MYH7: variants seen among roughly 807,000 people sequenced by gnomAD.
MYH7 encodes the protein myosin-7.
A neutral mutation model predicts 225.4 loss-of-function variants in MYH7; 129 were observed. The ratio of observed to expected loss-of-function variants is 0.57; its 90% CI spans 0.50 to 0.66. MYH7 has a LOEUF of 0.66. Among genes scored for constraint, MYH7 ranks in the 30% least tolerant of loss-of-function variants. MYH7 has a pLI of 0.00. For synonymous variants in MYH7, 971 were observed against 1,007.6 expected (o/e 0.96, Z 0.69); for missense variants, 1,649 against 2,517.0 (o/e 0.66, Z 7.38).
chr14:23,426,388 G>A (rs1462572184), intron 18 of MYH7, among the ~76,000 whole-genome samples: 2 of 152,194 alleles, frequency 1.3e-5, no homozygotes, highest in Admixed American at 6.5e-5. Context: ...ACAGAGCCAG[G>A]TCTTGAACCC....
rs730880858 is a variant in MYH7 at position 23,430,649 on chromosome 14, T to A, written c.910A>T (p.Thr304Ser). 5.6e-6 allele frequency: 9 copies of A among 1,613,982 alleles called. No individual in the cohort carries two copies. The Admixed American group carries it at 6.7e-5, about 12-fold the overall frequency. The stretch of plus-strand genomic sequence containing the variant: ...AATGCATAATCGTAGGGGTTGTTGG[T>A]GATCAGCAGCATGTCTAGGGGAAAA... ...KPELLDMLLI[T>S]NNPYDYAFIS... The change falls in exon 11 of 40, where the codon ACC becomes TCC. Residue 304 changes from threonine (T) to serine (S), a missense_variant. Physicochemically the swap from Thr to Ser is moderately conservative, Grantham distance 58. Around this residue, in one of 12 missense-constraint regions of MYH7, gnomAD observed 131 missense variants for 231.3 expected, o/e 0.57. Coordinates refer to ENST00000355349, the MANE Select transcript of MYH7 (RefSeq NM_000257.4).
chr14:23,420,042 C>T lies in MYH7; in HGVS notation c.3529G>A (p.Asp1177Asn), dbSNP rs1243958077. Residue 1177 changes from aspartate to asparagine, a missense_variant, in exon 27 of 40, where the codon GAC (aspartate) becomes AAC (asparagine). Around this residue, in one of 12 missense-constraint regions of MYH7, gnomAD observed 106 missense variants for 198.8 expected, o/e 0.53. Coordinates refer to ENST00000355349, the MANE Select transcript of MYH7 (RefSeq NM_000257.4). ...REAEFQKMRR[D>N]LEEATLQHEA... ...TGCTGCAGCGTGGCCTCCTCCAGGT[C>T]CCGCCGCATCTTCTGGAACTCGGCC... 6.3e-7 allele frequency: 1 copy of T among 1,579,826 alleles called. No homozygotes were observed. Among genetic ancestry groups the T allele is most frequent in the Admixed American group, 1.8e-5 (1 of 56,784 alleles).
intron 39 of MYH7, 50 bp from the exon 40 acceptor site, chr14:23,412,921 G>T (rs376207299): frequency 3.8e-6 from 6 of 1,597,794 alleles, no homozygotes; most frequent in African/African-American, 1.3e-5. Flanking sequence ...ATGGTATTGG[G>T]CAGGGACAGG....
Position 23,433,226 on chromosome 14 carries a change from G to C in MYH7, c.203C>G (p.Thr68Arg). ...CACCTGGTCCTCCTTCACGGTCACT[G>C]TCTGCAAGAGCCCCCACCCAAGCCC... is the stretch of plus-strand genomic sequence containing the variant. ...KVTAETEYGK[T>R]VTVKEDQVMQ... The change falls in exon 4 of 40, where the codon ACA becomes AGA. Residue 68 changes from threonine (T) to arginine (R), a missense_variant and splice_region_variant. Thr to Arg is a moderately conservative substitution (Grantham distance 71). Around this residue, in one of 12 missense-constraint regions of MYH7, gnomAD observed 91 missense variants for 96.5 expected, o/e 0.94. Transcript: ENST00000355349. This position sits in a 1 kb window ranked among gnomAD's most constrained non-coding sequence, Gnocchi z 4.1. The C allele has an allele frequency of 6.2e-7, 1 of 1,614,188 alleles. No homozygotes were observed. The highest frequency in any genetic ancestry group is 8.5e-7 in the Non-Finnish European group (1 of 1,180,044).
chr14:23,430,000 T>C (rs1892863001), intron 11 of MYH7, 87 bp from the exon 12 acceptor site: 1 of 1,518,916 alleles, frequency 6.6e-7, no homozygotes, highest in African/African-American at 1.4e-5. Context: ...AGAAAACTTG[T>C]CTCCTTAATC....
chr14:23,431,630 G>C lies in MYH7; in HGVS notation c.687C>G (p.Ala229=). The C allele has an allele frequency of 1.9e-6, 3 of 1,614,250 alleles. No individual in the cohort carries two copies. Among genetic ancestry groups the C allele is most frequent in the Non-Finnish European group, 2.5e-6 (3 of 1,180,044 alleles). ...TCCGGACGGTCTTGGCATTGCCAAA[G>C]GCCTCCAGAGCAGGGTTGGCCTGGA... The part of the protein sequence containing the change: ...QIIQANPALE[A]FGNAKTVRND... The change falls in exon 8 of 40, where the codon GCC becomes GCG. Residue 229 remains alanine (A), a synonymous_variant. Coordinates refer to ENST00000355349, the MANE Select transcript of MYH7 (RefSeq NM_000257.4).
intron 26 of MYH7, 148 bp from the exon 27 acceptor site, chr14:23,420,382 A>G (rs1301089997): frequency 2.0e-6 from 3 of 1,489,062 alleles, no homozygotes; most frequent in Non-Finnish European, 2.7e-6. Context: ...TGGGGAAGAT[A>G]GTTTGAAGAG....
rs942546644 is a variant in MYH7 at position 23,429,482 on chromosome 14, C to T, written c.1139-135G>A. 53 of 939,194 alleles carry T rather than the reference C, an allele frequency of 5.6e-5. No individual in the cohort carries two copies. In the Admixed American group the frequency reaches 9.7e-4, roughly 17 times the overall value. 58.2% of individuals were successfully genotyped at this position (939,194 alleles called of 1,614,324 possible). A position where few individuals can be genotyped will look rare whatever the true frequency, so the allele number is the denominator to read the frequency against. On this transcript the variant is annotated intron_variant, in intron 12 of 39. Coordinates refer to ENST00000355349, the MANE Select transcript of MYH7 (RefSeq NM_000257.4). ...CTTGAGGTCAGGAGTTTGAGACCAA[C>T]CTGGCCAACATGATGAAACCCCATC...
In MYH7 at chr14:23,425,751, T is replaced by A. The variant is rs1230771917; in HGVS notation, c.2230A>T (p.Lys744Ter). 2 of 1,613,990 alleles carry A rather than the reference T, an allele frequency of 1.2e-6. No homozygotes were observed. Among genetic ancestry groups the A allele is most frequent in the Non-Finnish European group, 1.7e-6 (2 of 1,179,860 alleles). ...QFIDSRKGAE[K>*]LLSSLDIDHN... ...TCAATGTCCAGGGAGCTGAGCAGCT[T>A]CTCTGCCCCCTTCCTGCTATCAATG... The change falls in exon 20 of 40, where the codon AAG becomes TAG. Residue 744 changes from lysine to a stop codon, truncating the protein, a stop_gained. Transcript: ENST00000355349. LOFTEE classifies it high-confidence loss of function. The surrounding 1 kb of genome is among the most constrained non-coding windows in gnomAD (Gnocchi z 4.6).
At chr14:23,431,898 G>A in intron 6 of MYH7, 29 bp from the exon 7 acceptor site, 1 of 1,603,346 alleles carries the variant, frequency 6.2e-7, no homozygotes, top group Non-Finnish European at 8.5e-7. Context: ...ATTGGGCAGT[G>A]AACAATACTA....
chr14:23,424,682 A>G (rs983724394), intron 22 of MYH7, 87 bp downstream of exon 22: 1 of 1,599,912 alleles, frequency 6.3e-7, no homozygotes, highest in Non-Finnish European at 8.5e-7. Flanking sequence ...GGAACAAGAC[A>G]GTGAGCCCCT....
At position 23,424,506 on chromosome 14, in the gene MYH7, A is replaced by C. The variant is rs10150821; in HGVS notation, c.2679+263T>G. Among the ~76,000 whole-genome samples, 28,411 of 152,254 alleles carry C rather than the reference A, an allele frequency of 0.19. 5,065 individuals carry two copies. Among genetic ancestry groups the C allele is most frequent in the African/African-American group, 0.48 (19,742 of 41,516 alleles). On this transcript the variant is annotated intron_variant, in intron 22 of 39. Transcript: ENST00000355349. Reference sequence around the variant, plus strand: ...GGAAATTGAGGCTCAAAGATGATGCATGGTCTGCCCAAGGTCACAAAATAA... The same window carrying C: ...GGAAATTGAGGCTCAAAGATGATGCCTGGTCTGCCCAAGGTCACAAAATAA...
rs1039547461 is a variant in MYH7, at chr14:23,429,670, C to T, written c.1138+105G>A. On this transcript the variant is annotated intron_variant, in intron 12 of 39. Coordinates refer to ENST00000355349, the MANE Select transcript of MYH7 (RefSeq NM_000257.4). ...CAGCCTGGGCAACAGAGCAAGACTC[C>T]ATCTCAAAAAAAAAAAAAAAAGAAA... The T allele has an allele frequency of 8.5e-6, 12 of 1,413,596 alleles. No homozygotes were observed. In the African/African-American group the frequency reaches 1.9e-4, roughly 22 times the overall value. The allele number at this position is 1,413,596 out of a possible 1,614,324, so 87.6% of individuals were successfully genotyped here.
rs550376000 is a variant in MYH7 at position 23,427,067 on chromosome 14, T to TA, written c.1956+172dup. 2.6e-3 allele frequency among the ~76,000 whole-genome samples: 386 copies of TA among 149,762 alleles called. 2 individuals are homozygous for TA. Among genetic ancestry groups the TA allele is most frequent in the African/African-American group, 9.0e-3 (364 of 40,512 alleles). On this transcript the variant is annotated intron_variant, in intron 17 of 39. Transcript: ENST00000355349. The stretch of plus-strand genomic sequence containing the variant: ...GGAGAGAAGGGAGATGGGAAGTAAA[T>TA]AAGTGAAGAGGCCAGGAGATGACGG...
intron 7 of MYH7, 22 bp from the exon 8 acceptor site, chr14:23,431,699 C>A: frequency 6.2e-7 from 1 of 1,614,212 alleles, no homozygotes. Context: ...AAGAAGGAGG[C>A]AGGTGAGAGC....
Position 23,432,493 on chromosome 14 carries a change from C to A in MYH7, c.516G>T (p.Gln172His). ...YQYMLTDRENQSILITGESGA... is the reference protein window; with the variant it reads ...YQYMLTDRENHSILITGESGA... ...GCTACACTCACGTGATCAGGATGGA[C>A]TGGTTTTCTCTGTCTGTGGGGAGAG... Residue 172 changes from glutamine to histidine, a missense_variant, in exon 6 of 40, where the codon CAG becomes CAT. Transcript: ENST00000355349. The A allele has an allele frequency of 1.2e-6, 2 of 1,614,036 alleles. No homozygotes were observed. Among genetic ancestry groups the A allele is most frequent in the Non-Finnish European group, 1.7e-6 (2 of 1,180,014 alleles).
In MYH7 at chr14:23,424,744, G is replaced by A. The variant is rs536568219; in HGVS notation, c.2679+25C>T. ...AGTGAAGGCAGAGCAGGGTGGAAGA[G>A]CCAACAGTAGCCCAGGAGCCTCACC... On this transcript the variant is annotated intron_variant, in intron 22 of 39. Coordinates refer to ENST00000355349, the MANE Select transcript of MYH7 (RefSeq NM_000257.4). 3.8e-5 allele frequency: 62 copies of A among 1,613,420 alleles called. 2 individuals carry two copies. The South Asian group carries it at 6.6e-4, about 17-fold the overall frequency.
In MYH7 at chr14:23,415,629, C is replaced by T. The variant is rs769875223; in HGVS notation, c.5157G>A (p.Gln1719=). 10 of 1,613,644 alleles carry T rather than the reference C, an allele frequency of 6.2e-6. No individual in the cohort carries two copies. The highest frequency in any genetic ancestry group is 1.3e-5 in the African/African-American group (1 of 74,942). The change falls in exon 35 of 40, where the codon CAG becomes CAA. Residue 1719 remains glutamine (Q), a splice_region_variant and synonymous_variant. Transcript: ENST00000355349. The surrounding 1 kb of genome is among the most constrained non-coding windows in gnomAD (Gnocchi z 6.3). Reference sequence around the variant, plus strand: ...AGGAATGAGCAGGGGAGCTGCTCACCTGGGAATGCAGCAGCTGCACCCGCT... The same window carrying T: ...AGGAATGAGCAGGGGAGCTGCTCACTTGGGAATGCAGCAGCTGCACCCGCT... ...TSERVQLLHS[Q]NTSLINQKKK... is the part of the protein sequence containing the mutation.
Position 23,430,575 on chromosome 14 carries a change from C to T in MYH7, c.984G>A (p.Glu328=), listed in dbSNP as rs1466127303. ...ACACACTCACATCAGTGGCCATGAGCTCCTCAGCGTCATCAATGGAGGCCA... is the reference window on the plus strand; with the variant it reads ...ACACACTCACATCAGTGGCCATGAGTTCCTCAGCGTCATCAATGGAGGCCA... ...TTVASIDDAE[E]LMATDNAFDV... Residue 328 remains glutamate (E), a synonymous_variant, in exon 11 of 40, where the codon GAG becomes GAA. Coordinates refer to ENST00000355349, the MANE Select transcript of MYH7 (RefSeq NM_000257.4). The T allele has an allele frequency of 4.3e-6, 7 of 1,613,768 alleles. No individual in the cohort carries two copies. The South Asian group carries it at 6.6e-5, about 15-fold the overall frequency.
Sources: gnomAD v4.1 joint callset for allele counts (sites outside exome capture counted in the v4.1 genomes callset) on GRCh38, gnomAD v4.1.1 for gene constraint, gnomAD v4.1.1 regional missense constraint, Gnocchi (gnomAD v3.1) non-coding constraint, MANE v1.5 for transcripts, NCBI Gene and HGNC (gene_info 2026-07-23, HGNC 2026-07-21) for gene names.